Variants in PLEKHA1 observed in about 807,000 individuals in gnomAD.
PLEKHA1 encodes pleckstrin homology domain-containing family A member 1.
A neutral mutation model predicts 52.0 loss-of-function variants in PLEKHA1; 34 were observed. That is an observed-to-expected ratio of 0.65 (90% CI 0.50 to 0.87). The LOEUF is 0.87. Ranked by LOEUF, PLEKHA1 falls within the 40% of genes least tolerant of loss-of-function variation. The pLI is 0.00. For synonymous variants in PLEKHA1, 163 were observed against 170.7 expected, an observed-to-expected ratio of 0.95 and a Z score of 0.35; for missense variants, 497 against 504.2, an observed-to-expected ratio of 0.99 and a Z score of 0.14.
intron 7 of PLEKHA1, among the ~76,000 whole-genome samples, chr10:122,417,342 G>C (rs922856400): frequency 3.3e-5 from 5 of 151,176 alleles, no homozygotes; most frequent in African/African-American, 9.7e-5. Flanking sequence ...AAAAAAAAAA[G>C]TTTCAACATT....
At chr10:122,395,594 A>G (rs2096839430) in intron 2 of PLEKHA1, among the ~76,000 whole-genome samples, 1 of 152,200 alleles carries the variant, frequency 6.6e-6, no homozygotes, top group African/African-American at 2.4e-5. Context: ...AATTACTAAA[A>G]AAATGGCAAT....
chr10:122,429,282 A>C (rs1381987999), intron 11 of PLEKHA1, among the ~76,000 whole-genome samples: 1 of 152,184 alleles, frequency 6.6e-6, no homozygotes, highest in Non-Finnish European at 1.5e-5. Flanking sequence ...TTCTCTTTTA[A>C]ACACAGTTCA....
In PLEKHA1 at chr10:122,430,162, A is replaced by G. The variant is rs1473700084; in HGVS notation, c.*224A>G. On this transcript the variant is annotated 3_prime_UTR_variant, in exon 12 of 12. Transcript: ENST00000368990. ...AAGGAAAAATCCAAAATATCTCAGT[A>G]TCATCTGTCTGAAGCATTGTGTGTT... 2.1e-6 allele frequency: 1 copy of G among 482,302 alleles called. No individual in the cohort carries two copies. The highest frequency in any genetic ancestry group is 3.5e-5 in the East Asian group (1 of 28,868). 29.9% of individuals were successfully genotyped at this position (482,302 alleles called of 1,614,324 possible).
In PLEKHA1 at chr10:122,429,623, G is replaced by A; in HGVS notation, c.901-1G>A. 1 of 1,610,950 alleles carries A rather than the reference G, an allele frequency of 6.2e-7. No individual in the cohort carries two copies. The highest frequency in any genetic ancestry group is 1.1e-5 in the South Asian group (1 of 90,832). On this transcript the variant is annotated splice_acceptor_variant, in intron 11 of 11. Transcript: ENST00000368990. LOFTEE classifies it high-confidence loss of function. ...TGTCTGACTGCCACTCCTTTTTGCA[G>A]GAGCATCCCCCCGGTCCTTCAGAAT...
intron 7 of PLEKHA1, among the ~76,000 whole-genome samples, chr10:122,417,458 G>C (rs2097194313): frequency 6.6e-6 from 1 of 152,008 alleles, no homozygotes; most frequent in African/African-American, 2.4e-5. Flanking sequence ...AGACCAGCCT[G>C]ACTAACATGG....
chr10:122,419,099 C>T (rs1055189230), intron 8 of PLEKHA1: 4 of 152,152 alleles, frequency 2.6e-5, no homozygotes, highest in Non-Finnish European at 5.9e-5. Context: ...TTAAGATTCA[C>T]CTCAGGAGTC....
Position 122,415,943 on chromosome 10 carries a change from A to G in PLEKHA1, c.553A>G (p.Lys185Glu). The G allele has an allele frequency of 6.2e-7, 1 of 1,613,678 alleles. No homozygotes were observed. The highest frequency in any genetic ancestry group is 8.5e-7 in the Non-Finnish European group (1 of 1,179,728). Residue 185 changes from lysine to glutamate, a missense_variant, in exon 7 of 12, where the codon AAA becomes GAA. Coordinates refer to ENST00000368990, the MANE Select transcript of PLEKHA1 (RefSeq NM_001001974.4). ...AAGCCATCTTCCTTACTTTACTCCT[A>G]AACCACCTCAAGATAGTGCGGTTAT... Reference protein sequence around the residue: ...SQSHLPYFTPKPPQDSAVIKA... With the variant: ...SQSHLPYFTPEPPQDSAVIKA...
At chr10:122,405,181 A>G (rs2096990497) in intron 4 of PLEKHA1, among the ~76,000 whole-genome samples, 1 of 152,184 alleles carries the variant, frequency 6.6e-6, no homozygotes, top group Non-Finnish European at 1.5e-5. Flanking sequence ...AAATTGCATA[A>G]AAGTTCCAAA....
chr10:122,404,341 T>C (rs1189164379), intron 4 of PLEKHA1, among the ~76,000 whole-genome samples: 2 of 152,188 alleles, frequency 1.3e-5, no homozygotes, highest in East Asian at 3.8e-4. Context: ...AGGGGTCTTT[T>C]TTAGATATAT....
intron 1 of PLEKHA1, chr10:122,386,694 T>C (rs2096704562): frequency 6.6e-6 from 1 of 152,236 alleles, no homozygotes; most frequent in Admixed American, 6.5e-5. Flanking sequence ...TTGAAAAGAC[T>C]GTCCTTTCTC....
In PLEKHA1 at chr10:122,393,314, T is replaced by G; in HGVS notation, c.114T>G (p.Ser38Arg). ...RYFILDTRED[S>R]FVWYMDNPQN... Reference sequence around the variant, plus strand: ...TCATACTGGATACCAGAGAAGATAGTTTCGTGTGGTACATGGATAATCCAC... The same window carrying G: ...TCATACTGGATACCAGAGAAGATAGGTTCGTGTGGTACATGGATAATCCAC... Residue 38 changes from serine (S) to arginine (R), a missense_variant, in exon 2 of 12, where the codon AGT (serine) becomes AGG (arginine). Physicochemically the swap from Ser to Arg is moderately radical, Grantham distance 110. Coordinates refer to ENST00000368990, the MANE Select transcript of PLEKHA1 (RefSeq NM_001001974.4). The surrounding 1 kb of genome is among the most constrained non-coding windows in gnomAD (Gnocchi z 4.5). The G allele has an allele frequency of 6.2e-7, 1 of 1,612,100 alleles. No homozygotes were observed. The highest frequency in any genetic ancestry group is 8.5e-7 in the Non-Finnish European group (1 of 1,179,172).
intron 1 of PLEKHA1, among the ~76,000 whole-genome samples, chr10:122,378,899 G>T (rs1477216016): frequency 2.0e-5 from 3 of 152,084 alleles, no homozygotes; most frequent in African/African-American, 7.2e-5. Context: ...TGGACGGCTT[G>T]TGGTAAGCTC....
At chr10:122,415,758 ACTAAT>A (rs3215235) in intron 6 of PLEKHA1, 96 bp from the exon 7 acceptor site, 1 of 1,005,176 alleles carries the variant, frequency 9.9e-7, no homozygotes, top group African/African-American at 1.6e-5. Flanking sequence ...TCTGTTTCTG[ACTAAT>A]CTAAGGTGGA....
chr10:122,394,057 C>G (rs1403771201), intron 2 of PLEKHA1, among the ~76,000 whole-genome samples: 1 of 142,312 alleles, frequency 7.0e-6, no homozygotes, highest in Admixed American at 7.1e-5. Flanking sequence ...TTTAAACTTT[C>G]AACTTTCTCT....
intron 1 of PLEKHA1, among the ~76,000 whole-genome samples, chr10:122,381,590 C>T (rs762478198): frequency 3.9e-5 from 6 of 152,178 alleles, no homozygotes; most frequent in Admixed American, 1.3e-4. Flanking sequence ...TTTCTTGAGG[C>T]GTCCCCAGTC....
In PLEKHA1 at chr10:122,397,858, A is replaced by G; in HGVS notation, c.142-60A>G. On this transcript the variant is annotated intron_variant, in intron 2 of 11. Transcript: ENST00000368990. ...TTTTCAGAAGTATATGTGGAACATT[A>G]TATTATAAAATGAATTCATAATATT... The G allele has an allele frequency of 5.4e-6, 7 of 1,284,930 alleles. No homozygotes were observed. The South Asian group carries it at 6.8e-5, about 12-fold the overall frequency. 79.6% of individuals were successfully genotyped at this position (1,284,930 alleles called of 1,614,324 possible).
At chr10:122,394,069 CTTTTTTTT>C (rs796831792) in intron 2 of PLEKHA1, among the ~76,000 whole-genome samples, 39 of 97,236 alleles carry the variant, frequency 4.0e-4, no homozygotes, top group Non-Finnish European at 5.1e-4. Flanking sequence ...ACTTTCTCTA[CTTTTTTTT>C]TTTTTTTTTT....
At chr10:122,406,313 C>T (rs913236273) in intron 4 of PLEKHA1, among the ~76,000 whole-genome samples, 10 of 151,960 alleles carry the variant, frequency 6.6e-5, no homozygotes, top group African/African-American at 9.7e-5. Flanking sequence ...TTTCAAAAAC[C>T]GGAAATAGCC....
At chr10:122,402,844 TA>T (rs1369701214) in intron 4 of PLEKHA1, among the ~76,000 whole-genome samples, 1 of 152,160 alleles carries the variant, frequency 6.6e-6, no homozygotes, top group Non-Finnish European at 1.5e-5. Context: ...AATAGGAAGA[TA>T]TCTTAAATGA....
Sources: allele counts gnomAD v4.1 joint callset (sites outside exome capture counted in the v4.1 genomes callset), GRCh38; gene constraint gnomAD v4.1.1; non-coding constraint Gnocchi (gnomAD v3.1); transcripts MANE v1.5; gene names NCBI Gene and HGNC (gene_info 2026-07-23, HGNC 2026-07-21).